The following CCBE1 variants were observed in gnomAD, a reference collection of about 807,000 sequenced individuals.
The protein encoded by CCBE1 is collagen and calcium binding EGF domains 1, also known as collagen and calcium-binding EGF domain-containing protein 1.
CCBE1 carries 37 observed loss-of-function variants against 50.0 expected under a neutral mutation model. The observed-to-expected ratio is 0.74, with a 90% CI of 0.57 to 0.97. CCBE1 has a LOEUF of 0.97. Among genes scored for constraint, CCBE1 ranks in the 50% least tolerant of loss-of-function variants. The probability of loss-of-function intolerance (pLI) is 0.00; values close to 1 mark genes in which losing one functional copy is unlikely to be tolerated. For synonymous variants in CCBE1, 234 were observed against 203.7 expected (o/e 1.15, Z -1.27); for missense variants, 538 against 523.8 (o/e 1.03, Z -0.26).
chr18:59,528,130 C>A lies in CCBE1; in HGVS notation c.213-47892G>T, dbSNP rs185052351. ...CAGGTACCCCAATCAGTTGTAGGTT[C>A]AGTCTTTTCACATAATCCCATAGTT... On this transcript the variant is annotated intron_variant, in intron 2 of 10. Coordinates refer to ENST00000439986, the MANE Select transcript of CCBE1 (RefSeq NM_133459.4). Among the ~76,000 whole-genome samples, 33 of 152,302 alleles carry A rather than the reference C, an allele frequency of 2.2e-4. No homozygotes were observed. In the East Asian group the frequency reaches 5.8e-3, roughly 27 times the overall value.
intron 2 of CCBE1, among the ~76,000 whole-genome samples, chr18:59,548,222 C>T (rs751994018): frequency 6.6e-6 from 1 of 152,188 alleles, no homozygotes; most frequent in Non-Finnish European, 1.5e-5. Flanking sequence ...CCTTCACTCT[C>T]ACTCAGTGGT....
intron 4 of CCBE1, among the ~76,000 whole-genome samples, chr18:59,467,984 T>C (rs1911834097): frequency 6.6e-6 from 1 of 152,186 alleles, no homozygotes; most frequent in Non-Finnish European, 1.5e-5. Context: ...TAAACCTACA[T>C]GTGATGCTGC....
intron 2 of CCBE1, among the ~76,000 whole-genome samples, chr18:59,592,759 G>A (rs946911074): frequency 2.0e-5 from 3 of 152,096 alleles, no homozygotes; most frequent in Non-Finnish European, 4.4e-5. Context: ...GTTTTGTTTA[G>A]TTTTGCCTTC....
At chr18:59,573,851 A>G (rs1182513513) in intron 2 of CCBE1, among the ~76,000 whole-genome samples, 3 of 152,214 alleles carry the variant, frequency 2.0e-5, no homozygotes, top group Non-Finnish European at 4.4e-5. Context: ...AGCTATTTAC[A>G]TGCTTAGCTT....
At chr18:59,482,930 C>T (rs1912645206) in intron 2 of CCBE1, among the ~76,000 whole-genome samples, 1 of 151,796 alleles carries the variant, frequency 6.6e-6, no homozygotes, top group Admixed American at 6.6e-5. Flanking sequence ...ACATAAGATT[C>T]AAGGTCATTC....
chr18:59,599,387 G>A (rs924662641), intron 2 of CCBE1, among the ~76,000 whole-genome samples: 1 of 152,118 alleles, frequency 6.6e-6, no homozygotes, highest in Non-Finnish European at 1.5e-5. Flanking sequence ...AATCCATCAG[G>A]CATCTAGAAT....
At chr18:59,472,895 A>T (rs1469715837) in intron 3 of CCBE1, among the ~76,000 whole-genome samples, 4 of 152,224 alleles carry the variant, frequency 2.6e-5, no homozygotes, top group Non-Finnish European at 5.9e-5. Flanking sequence ...ACATGGTGGC[A>T]GACAAGAGAG....
At chr18:59,588,591 T>C (rs1294033158) in intron 2 of CCBE1, among the ~76,000 whole-genome samples, 3 of 152,178 alleles carry the variant, frequency 2.0e-5, no homozygotes, top group Non-Finnish European at 4.4e-5. Flanking sequence ...AGGTAATTTT[T>C]CTACCAGATA....
intron 3 of CCBE1, among the ~76,000 whole-genome samples, chr18:59,472,919 G>A (rs917412487): frequency 8.5e-5 from 13 of 152,188 alleles, no homozygotes; most frequent in Non-Finnish European, 1.3e-4. Flanking sequence ...TTGTGCATGG[G>A]AACTCTCATT....
chr18:59,443,427 A>AT (rs1910529647), intron 7 of CCBE1, among the ~76,000 whole-genome samples: 1 of 151,442 alleles, frequency 6.6e-6, no homozygotes, highest in Non-Finnish European at 1.5e-5. Flanking sequence ...CCTGACAAGC[A>AT]TTTTTAAAAA....
chr18:59,668,819 C>CTTTTTTTTTTTT (rs34632549), intron 2 of CCBE1, among the ~76,000 whole-genome samples: 113 of 99,158 alleles, frequency 1.1e-3, no homozygotes, highest in Non-Finnish European at 1.6e-3. Context: ...TTCCATAAGT[C>CTTTTTTTTTTTT]TTTTTTTTTT....
rs568018777 is a variant in CCBE1, at chr18:59,668,481, T to C, written c.212+28148A>G. 1.8e-3 allele frequency among the ~76,000 whole-genome samples: 274 copies of C among 152,104 alleles called. 1 individual carries two copies. Among genetic ancestry groups the C allele is most frequent in the African/African-American group, 6.4e-3 (264 of 41,472 alleles). On this transcript the variant is annotated intron_variant, in intron 2 of 10. Transcript: ENST00000439986. ...TATACATGCTTTATAAAAATGAATA[T>C]ATATTTCATATGTAATCTGCTTTGT...
chr18:59,481,115 C>T (rs1385612769), intron 2 of CCBE1, among the ~76,000 whole-genome samples: 17 of 152,114 alleles, frequency 1.1e-4, no homozygotes, highest in Admixed American at 1.0e-3. Flanking sequence ...ATGAACAAAA[C>T]AGAAAATCTC....
chr18:59,543,035 C>A (rs958008423), intron 2 of CCBE1, among the ~76,000 whole-genome samples: 1 of 152,214 alleles, frequency 6.6e-6, no homozygotes, highest in Admixed American at 6.5e-5. Context: ...AACAAGCCAA[C>A]AAGTATAACT....
intron 2 of CCBE1, among the ~76,000 whole-genome samples, chr18:59,558,724 A>G (rs1241881051): frequency 6.6e-6 from 1 of 152,154 alleles, no homozygotes; most frequent in Non-Finnish European, 1.5e-5. Context: ...AGGAGCCAGG[A>G]TACAGCTTAG....
chr18:59,445,885 A>G (rs1910646749), intron 7 of CCBE1, among the ~76,000 whole-genome samples: 1 of 152,200 alleles, frequency 6.6e-6, no homozygotes, highest in Non-Finnish European at 1.5e-5. Context: ...ATGACAGTGG[A>G]GGCCAGAAAG....
chr18:59,584,572 G>C (rs2053149137), intron 2 of CCBE1, among the ~76,000 whole-genome samples: 1 of 152,160 alleles, frequency 6.6e-6, no homozygotes, highest in Admixed American at 6.5e-5. Context: ...GATCACAGGG[G>C]AGGTTTCCAA....
Position 59,630,271 on chromosome 18 carries a change from C to CA in CCBE1, c.212+66357dup, listed in dbSNP as rs34953722. On this transcript the variant is annotated intron_variant, in intron 2 of 10. Coordinates refer to ENST00000439986, the MANE Select transcript of CCBE1 (RefSeq NM_133459.4). Reference sequence around the variant, plus strand: ...ATTTATTATTTGAAAGCCTTTTGGGCAAAAAAAAAAAAAAGTCATTTAATC... The same window carrying CA: ...ATTTATTATTTGAAAGCCTTTTGGGCAAAAAAAAAAAAAAAGTCATTTAATC... Among the ~76,000 whole-genome samples, 505 of 139,854 alleles carry CA rather than the reference C, an allele frequency of 3.6e-3. 1 individual carries two copies. The highest frequency in any genetic ancestry group is 7.4e-3 in the Middle Eastern group (2 of 272). 91.7% of individuals were successfully genotyped at this position (139,854 alleles called of 152,430 possible).
intron 2 of CCBE1, among the ~76,000 whole-genome samples, chr18:59,615,315 C>T (rs2053622218): frequency 6.6e-6 from 1 of 152,236 alleles, no homozygotes; most frequent in Non-Finnish European, 1.5e-5. Flanking sequence ...CTTCCTGTTT[C>T]ATTCTCACCC....
Sources: gnomAD v4.1 joint callset for allele counts (sites outside exome capture counted in the v4.1 genomes callset) on GRCh38, gnomAD v4.1.1 for gene constraint, MANE v1.5 for transcripts, NCBI Gene and HGNC (gene_info 2026-07-23, HGNC 2026-07-21) for gene names.